Variants in FTSJ3 observed in about 807,000 individuals in gnomAD.
FTSJ3 encodes FtsJ RNA 2'-O-methyltransferase 3.
FTSJ3 carries 46 observed loss-of-function variants against 111.5 expected under a neutral mutation model. The ratio of observed to expected loss-of-function variants is 0.41; its 90% CI spans 0.33 to 0.53. FTSJ3 has a LOEUF of 0.53. Among genes scored for constraint, FTSJ3 ranks in the 20% least tolerant of loss-of-function variants. The pLI, the probability that FTSJ3 is intolerant of heterozygous loss-of-function variation, is 0.19. For missense variants in FTSJ3, 1,075 were observed against 1,063.8 expected (o/e 1.01, Z -0.15); for synonymous variants, 408 against 383.0 (o/e 1.07, Z -0.76).
rs150690728 is a variant in FTSJ3, at chr17:63,823,985, C to G, written c.1155-33G>C. On this transcript the variant is annotated intron_variant, in intron 12 of 20. Transcript: ENST00000427159. ...GGTGGATTGAGGGAGTAAAACCGGC[C>G]CAGCTCCAAAGTTTCTATCCATGCC... The G allele has an allele frequency of 1.2e-4, 200 of 1,614,032 alleles. No homozygotes were observed. In the African/African-American group the frequency reaches 2.3e-3, roughly 19 times the overall value.
Position 63,821,755 on chromosome 17 carries a change from G to C in FTSJ3, c.1564C>G (p.Gln522Glu). The part of the protein sequence containing the change: ...LVPLEEKAVL[Q>E]EEQANLWFSK... ...AACCACAGGTTGGCTTGTTCTTCCT[G>C]CAGTACTGCCTTTTCCTCCAGTGGT... The change falls in exon 15 of 21, where the codon CAG becomes GAG. Residue 522 changes from glutamine to glutamate, a missense_variant. By Grantham distance (29) the Gln-to-Glu change is conservative. Coordinates refer to ENST00000427159, the MANE Select transcript of FTSJ3 (RefSeq NM_017647.4). 1.2e-6 allele frequency: 2 copies of C among 1,614,134 alleles called. No individual in the cohort carries two copies. Among genetic ancestry groups the C allele is most frequent in the Non-Finnish European group, 1.7e-6 (2 of 1,180,014 alleles).
chr17:63,820,840 G>A lies in FTSJ3; in HGVS notation c.2071C>T (p.Arg691Trp), dbSNP rs199519029. The A allele has an allele frequency of 5.5e-5, 88 of 1,609,344 alleles. No homozygotes were observed. The highest frequency in any genetic ancestry group is 3.3e-4 in the Middle Eastern group (2 of 6,074). Residue 691 changes from arginine (R) to tryptophan (W), a missense_variant and splice_region_variant, in exon 18 of 21, where the codon CGG becomes TGG. Physicochemically the swap from Arg to Trp is moderately radical, Grantham distance 101 (BLOSUM62 -3). Around this residue, in one of 2 missense-constraint regions of FTSJ3, gnomAD observed 867 missense variants for 796.9 expected, o/e 1.09. Transcript: ENST00000427159. ...KRDLIDNSFN[R>W]YTFNEDEGEL... ...TTGATGAGTTTATGGCCCCTTTACC[G>A]GTTGAAGGAGTTATCTATGAGGTCT...
chr17:63,826,740 C>T (rs900774647), intron 2 of FTSJ3, 68 bp from the exon 3 acceptor site: 1 of 1,553,828 alleles, frequency 6.4e-7, no homozygotes, highest in African/African-American at 1.4e-5. Context: ...CAACCGACCA[C>T]CCCTTCTGCA....
chr17:63,827,465 C>T lies in FTSJ3; in HGVS notation c.-440G>A, dbSNP rs1161294238. The T allele has an allele frequency of 2.6e-6, 4 of 1,551,626 alleles. No homozygotes were observed. The highest frequency in any genetic ancestry group is 2.7e-5 in the African/African-American group (2 of 73,078). On this transcript the variant is annotated 5_prime_UTR_variant, in exon 1 of 21. Coordinates refer to ENST00000427159, the MANE Select transcript of FTSJ3 (RefSeq NM_017647.4). The stretch of plus-strand genomic sequence containing the variant: ...CTTGCGCGCCAAGACGGCTCGGATG[C>T]CGGCGGTCTCTGCTGAAGAGAGAAG...
At chr17:63,821,235 CGTCAGTA>C in intron 16 of FTSJ3, 112 bp downstream of exon 16, 12 of 1,507,922 alleles carry the variant, frequency 8.0e-6, no homozygotes, top group Non-Finnish European at 1.0e-5. Context: ...AAATCAGGAT[CGTCAGTA>C]CAGTATTTTT....
chr17:63,820,938 G>C lies in FTSJ3; in HGVS notation c.1973C>G (p.Ala658Gly), dbSNP rs779693529. ...GFEIVPIEDP[A>G]KHRILDPEGL... The stretch of plus-strand genomic sequence containing the variant: ...TTCGGGGTCCAGTATCCGATGTTTC[G>C]CTAGAGAGGGAAGGAGAAAGGTCAA... Residue 658 changes from alanine (A) to glycine (G), a missense_variant and splice_region_variant, in exon 18 of 21, where the codon GCG becomes GGG. This residue lies in a region of FTSJ3 where 867 missense variants were observed against 796.9 expected (regional missense o/e 1.09). Transcript: ENST00000427159. The C allele has an allele frequency of 1.9e-6, 3 of 1,613,672 alleles. No individual in the cohort carries two copies. Among genetic ancestry groups the C allele is most frequent in the African/African-American group, 2.7e-5 (2 of 74,876 alleles).
Position 63,819,763 on chromosome 17 carries a change from C to A in FTSJ3, c.*39G>T, listed in dbSNP as rs776926799. Reference sequence around the variant, plus strand: ...GACTGAGCCATGCCACACCCTTCCTCCTAGTCCCCATGCTCTCCTGGGAGC... The same window carrying A: ...GACTGAGCCATGCCACACCCTTCCTACTAGTCCCCATGCTCTCCTGGGAGC... On this transcript the variant is annotated 3_prime_UTR_variant, in exon 21 of 21. Coordinates refer to ENST00000427159, the MANE Select transcript of FTSJ3 (RefSeq NM_017647.4). 4 of 1,575,002 alleles carry A rather than the reference C, an allele frequency of 2.5e-6. No individual in the cohort carries two copies. Among genetic ancestry groups the A allele is most frequent in the Non-Finnish European group, 3.5e-6 (4 of 1,157,382 alleles).
At chr17:63,823,377 C>T (rs560666136) in intron 13 of FTSJ3, among the ~76,000 whole-genome samples, 71 of 152,258 alleles carry the variant, frequency 4.7e-4, no homozygotes, top group African/African-American at 1.6e-3. Context: ...GGGCAGATCA[C>T]GAGGTCAGGA....
rs1567754033 is a variant in FTSJ3, at chr17:63,825,249, G to C, written c.588C>G (p.Val196=). 6.2e-7 allele frequency: 1 copy of C among 1,614,208 alleles called. No individual in the cohort carries two copies. Among genetic ancestry groups the C allele is most frequent in the African/African-American group, 1.3e-5 (1 of 75,048 alleles). Residue 196 remains valine (V), a synonymous_variant, in exon 7 of 21, where the codon GTC becomes GTG. Transcript: ENST00000427159. ...SRHESAEIFV[V]CQGFLAPDKV... is the part of the protein sequence containing the mutation. ...AAAGGAAATGATGCCCACCTTGGCAGACTACAAAGATCTCTGCAGATTCAT... is the reference window on the plus strand; with the variant it reads ...AAAGGAAATGATGCCCACCTTGGCACACTACAAAGATCTCTGCAGATTCAT...
chr17:63,820,207 A>AAC, intron 19 of FTSJ3, 34 bp from the exon 20 acceptor site: 12 of 310,958 alleles, frequency 3.9e-5, no homozygotes, highest in South Asian at 5.9e-5. Context: ...CCTCTTCCCC[A>AAC]TCCCCCCACC....
rs1375299503 is a variant in FTSJ3, at chr17:63,822,938, TAGTC to T, written c.1291-774_1291-771del. Among the ~76,000 whole-genome samples the T allele has an allele frequency of 3.3e-5, 5 of 152,184 alleles. No individual in the cohort carries two copies. In the South Asian group the frequency reaches 6.2e-4, roughly 19 times the overall value. ...AAACTGAGGCAGCAAGGATAAGTGGTAGTCAGCTCAGTCACTTCACAAAGCTCCA... is the reference window on the plus strand; with the variant it reads ...AAACTGAGGCAGCAAGGATAAGTGGTAGCTCAGTCACTTCACAAAGCTCCA... On this transcript the variant is annotated intron_variant, in intron 13 of 20. Coordinates refer to ENST00000427159, the MANE Select transcript of FTSJ3 (RefSeq NM_017647.4).
In FTSJ3 at chr17:63,820,869, T is replaced by C. The variant is rs2040043098; in HGVS notation, c.2042A>G (p.Lys681Arg). ...GAAGGAGTTATCTATGAGGTCTCTC[T>C]TGGCCTTTTTGGAAGAGGCAATAAC... Reference protein sequence around the residue: ...GAVIASSKKAKRDLIDNSFNR... With the variant: ...GAVIASSKKARRDLIDNSFNR... The change falls in exon 18 of 21, where the codon AAG becomes AGG. Residue 681 changes from lysine (K) to arginine (R), a missense_variant. Lys to Arg is a conservative substitution (Grantham distance 26). This residue lies in a region of FTSJ3 where 867 missense variants were observed against 796.9 expected (regional missense o/e 1.09). Transcript: ENST00000427159. 16 of 1,614,088 alleles carry C rather than the reference T, an allele frequency of 9.9e-6. No individual in the cohort carries two copies. The highest frequency in any genetic ancestry group is 1.3e-5 in the Non-Finnish European group (15 of 1,179,926).
chr17:63,820,487 A>G (rs1239229229), intron 18 of FTSJ3, 49 bp from the exon 19 acceptor site: 2 of 1,586,436 alleles, frequency 1.3e-6, no homozygotes, highest in Non-Finnish European at 1.7e-6. Context: ...AGGCTTTCTA[A>G]AGAAATTACC....
intron 3 of FTSJ3, 28 bp downstream of exon 3, chr17:63,826,539 G>A (rs1168522465): frequency 6.3e-7 from 1 of 1,582,056 alleles, no homozygotes; most frequent in Non-Finnish European, 8.7e-7. Context: ...GCGGCCACCA[G>A]GAGCAACCTG....
At position 63,820,336 on chromosome 17, in the gene FTSJ3, C is replaced by T. The variant is rs1403433281; in HGVS notation, c.2175G>A (p.Glu725=). ...RQLPVGKKEV[E]HYRKRWREIN... ...TTTCCCGCCAGCGTTTCCGGTAATG[C>T]TCCACCTCCTTCTTACCAACAGGCA... The change falls in exon 19 of 21, where the codon GAG becomes GAA. Residue 725 remains glutamate (E), a synonymous_variant. Transcript: ENST00000427159. 6.2e-7 allele frequency: 1 copy of T among 1,614,006 alleles called. No homozygotes were observed. The highest frequency in any genetic ancestry group is 8.5e-7 in the Non-Finnish European group (1 of 1,180,020).
intron 5 of FTSJ3, 144 bp from the exon 6 acceptor site, chr17:63,825,779 G>C: frequency 1.5e-6 from 1 of 689,494 alleles, no homozygotes; most frequent in Non-Finnish European, 2.5e-6. Flanking sequence ...AACAAAAACA[G>C]TATGTCTCTA....
chr17:63,827,055 G>A lies in FTSJ3; in HGVS notation c.-30C>T. 1.4e-6 allele frequency: 1 copy of A among 717,168 alleles called. No homozygotes were observed. Among genetic ancestry groups the A allele is most frequent in the Non-Finnish European group, 2.4e-6 (1 of 414,636 alleles). The allele number at this position is 717,168 out of a possible 1,614,324, so 44.4% of individuals were successfully genotyped here. A position where few individuals can be genotyped will look rare whatever the true frequency, so the allele number is the denominator to read the frequency against. On this transcript the variant is annotated 5_prime_UTR_variant, in exon 1 of 21. Coordinates refer to ENST00000427159, the MANE Select transcript of FTSJ3 (RefSeq NM_017647.4). ...CGCGCCCCTCTCCGCACACTACCTA[G>A]ACCCAGAGCCGCTTTCTCCACACTT...
chr17:63,826,600 G>A lies in FTSJ3; in HGVS notation c.140C>T (p.Ala47Val), dbSNP rs147801800. The change falls in exon 3 of 21, where the codon GCC becomes GTC. Residue 47 changes from alanine (A) to valine (V), a missense_variant. Ala to Val is a moderately conservative substitution (Grantham distance 64, BLOSUM62 0). Transcript: ENST00000427159. ...RRFQFLQKAR[A>V]LLDLCAAPGG... ...TGGCGCAGCACACAGGTCCAGCAAG[G>A]CTCGGGCTTTCTGCAGGAACTGAAA... 1 of 1,614,012 alleles carries A rather than the reference G, an allele frequency of 6.2e-7. No homozygotes were observed. Among genetic ancestry groups the A allele is most frequent in the Non-Finnish European group, 8.5e-7 (1 of 1,179,924 alleles).
intron 5 of FTSJ3, 51 bp downstream of exon 5, chr17:63,826,005 G>A: frequency 6.9e-7 from 1 of 1,441,236 alleles, no homozygotes; most frequent in Non-Finnish European, 9.6e-7. Context: ...GGATTTCAGG[G>A]ATGTAGATGT....
Sources: allele counts gnomAD v4.1 joint callset (sites outside exome capture counted in the v4.1 genomes callset), GRCh38; gene constraint gnomAD v4.1.1; regional missense constraint gnomAD v4.1.1; transcripts MANE v1.5; gene names NCBI Gene and HGNC (gene_info 2026-07-23, HGNC 2026-07-21).